MAPKBP1: variants seen among roughly 807,000 people sequenced by gnomAD.
MAPKBP1 encodes mitogen-activated protein kinase-binding protein 1.
A neutral mutation model predicts 170.5 loss-of-function variants in MAPKBP1; 71 were observed. The observed-to-expected ratio is 0.42, with a 90% CI of 0.34 to 0.51. The LOEUF (loss-of-function observed/expected upper bound fraction) is 0.51, where lower values mean the gene tolerates loss of function less well. Among genes scored for constraint, MAPKBP1 ranks in the 20% least tolerant of loss-of-function variants. MAPKBP1 has a pLI of 0.06. For synonymous variants in MAPKBP1, 719 were observed against 757.9 expected (o/e 0.95, Z 0.84); for missense variants, 1,598 against 1,933.0 (o/e 0.83, Z 3.25).
At chr15:41,813,489 G>A (rs2064839101) in intron 8 of MAPKBP1, 132 bp from the exon 9 acceptor site, 4 of 1,415,700 alleles carry the variant, frequency 2.8e-6, no homozygotes, top group Non-Finnish European at 3.9e-6. Context: ...TCAGAACAGG[G>A]CAGCTGGGCG....
rs1256899134 is a variant in MAPKBP1, at chr15:41,823,125, C to G, written c.3501C>G (p.Leu1167=). 2 of 1,613,768 alleles carry G rather than the reference C, an allele frequency of 1.2e-6. No homozygotes were observed. The highest frequency in any genetic ancestry group is 2.2e-5 in the South Asian group (2 of 91,084). ...CTGTGCTGTTGCCACGATGCCGTCT[C>G]AACCCTGACAGCAGCTGGGCTCCCA... ...AASVLLPRCR[L]NPDSSWAPKR... The change falls in exon 28 of 31, where the codon CTC becomes CTG. Residue 1167 remains leucine, a synonymous_variant. Transcript: ENST00000457542.
chr15:41,778,411 G>T (rs1021095393), intron 2 of MAPKBP1, among the ~76,000 whole-genome samples: 4 of 152,178 alleles, frequency 2.6e-5, no homozygotes, highest in African/African-American at 4.8e-5. Context: ...TTAATTCAGG[G>T]GAGACCTAGT....
At chr15:41,796,412 C>A (rs2064489726) in intron 2 of MAPKBP1, among the ~76,000 whole-genome samples, 1 of 152,132 alleles carries the variant, frequency 6.6e-6, no homozygotes, top group African/African-American at 2.4e-5. Context: ...TGAAGCCTTG[C>A]AAAATAAGCA....
chr15:41,821,960 G>A lies in MAPKBP1; in HGVS notation c.2886-5G>A, dbSNP rs766556937. On this transcript the variant is annotated splice_polypyrimidine_tract_variant and splice_region_variant and intron_variant, in intron 24 of 30. Transcript: ENST00000457542. ...CTTTTCTTCTCCCTGCTGGAATCCT[G>A]ACAGTGAGTTCCAAGTGCAGGCTCC... The A allele has an allele frequency of 1.9e-6, 3 of 1,610,734 alleles. No homozygotes were observed. The highest frequency in any genetic ancestry group is 2.5e-6 in the Non-Finnish European group (3 of 1,178,616).
chr15:41,809,243 C>G (rs1412622612), intron 3 of MAPKBP1, among the ~76,000 whole-genome samples: 1 of 149,724 alleles, frequency 6.7e-6, no homozygotes, highest in Non-Finnish European at 1.5e-5. Context: ...GAAACAGGAA[C>G]AAGGAAAGAG....
At chr15:41,795,163 C>CAA (rs57214059) in intron 2 of MAPKBP1, among the ~76,000 whole-genome samples, 12 of 113,188 alleles carry the variant, frequency 1.1e-4, no homozygotes, top group South Asian at 2.9e-4. Context: ...AACCCTGTCT[C>CAA]AAAAAAAAAA....
chr15:41,796,601 CTT>C (rs202207535), intron 2 of MAPKBP1, among the ~76,000 whole-genome samples: 2 of 151,706 alleles, frequency 1.3e-5, no homozygotes, highest in African/African-American at 4.9e-5. Context: ...AAGGAAACTG[CTT>C]TTCCCCCCCC....
At chr15:41,804,719 A>G (rs1209333) in intron 3 of MAPKBP1, among the ~76,000 whole-genome samples, 22,325 of 152,286 alleles carry the variant, frequency 0.15, 2,578 homozygotes, top group East Asian at 0.68. Context: ...CAGATGGTGT[A>G]CAGGCTTTCC....
chr15:41,815,805 G>A lies in MAPKBP1; in HGVS notation c.1493+6G>A. 6.2e-7 allele frequency: 1 copy of A among 1,610,452 alleles called. No individual in the cohort carries two copies. Among genetic ancestry groups the A allele is most frequent in the Non-Finnish European group, 8.5e-7 (1 of 1,176,936 alleles). On this transcript the variant is annotated splice_donor_region_variant and intron_variant, in intron 12 of 30. Coordinates refer to ENST00000457542, the MANE Select transcript of MAPKBP1 (RefSeq NM_014994.3). ...GACCGTATGGGCACACTTAGGTAAT[G>A]CCAGGCCCTGGGTGGGTACTGACTG...
In MAPKBP1 at chr15:41,824,510, G is replaced by A. The variant is rs759577491; in HGVS notation, c.4240G>A (p.Glu1414Lys). 2 of 1,601,896 alleles carry A rather than the reference G, an allele frequency of 1.2e-6. No individual in the cohort carries two copies. The highest frequency in any genetic ancestry group is 1.7e-6 in the Non-Finnish European group (2 of 1,174,584). The change falls in exon 30 of 31, where the codon GAG (glutamate) becomes AAG (lysine). Residue 1414 changes from glutamate (E) to lysine (K), a missense_variant. This residue lies in a region of MAPKBP1 where 942 missense variants were observed against 953.2 expected (regional missense o/e 0.99). Transcript: ENST00000457542. ...GCCAGCGGTGAGCCTGGAGCAGTGT[G>A]AGCAGCTGGTGGCAGAGCTCCGCGG... is the stretch of plus-strand genomic sequence containing the variant. ...SEPAVSLEQC[E>K]QLVAELRGSV...
chr15:41,824,069 C>G lies in MAPKBP1; in HGVS notation c.4213+8C>G, dbSNP rs1314585320. On this transcript the variant is annotated splice_region_variant and intron_variant, in intron 29 of 30. Transcript: ENST00000457542. ...CCCTGAGCCAGGACTCAGGTGTGCA[C>G]AGCTCCCCAGCTCTCATCTCCTGCC... The G allele has an allele frequency of 6.3e-7, 1 of 1,583,098 alleles. No homozygotes were observed. The highest frequency in any genetic ancestry group is 8.6e-7 in the Non-Finnish European group (1 of 1,167,870).
At chr15:41,809,060 C>T (rs1265581139) in intron 3 of MAPKBP1, among the ~76,000 whole-genome samples, 5 of 113,906 alleles carry the variant, frequency 4.4e-5, no homozygotes, top group African/African-American at 1.4e-4. Context: ...GGTGACAGAG[C>T]GAGACCCTGC....
Position 41,779,233 on chromosome 15 carries a change from C to T in MAPKBP1, c.114+3844C>T, listed in dbSNP as rs548824313. On this transcript the variant is annotated intron_variant, in intron 2 of 30. Coordinates refer to ENST00000457542, the MANE Select transcript of MAPKBP1 (RefSeq NM_014994.3). ...GGAAACATACTCATTTTTTTCGAGA[C>T]GGAGTCTTGCTCTGTTGCCCAGGCT... Among the ~76,000 whole-genome samples, 78 of 152,216 alleles carry T rather than the reference C, an allele frequency of 5.1e-4. No individual in the cohort carries two copies. The South Asian group carries it at 9.5e-3, about 19-fold the overall frequency.
intron 2 of MAPKBP1, among the ~76,000 whole-genome samples, chr15:41,790,178 G>C (rs1037448964): frequency 3.3e-5 from 5 of 152,152 alleles, no homozygotes; most frequent in Non-Finnish European, 1.5e-5. Flanking sequence ...CAGACCTTTT[G>C]TACCCCCGGT....
At chr15:41,822,481 AC>A in intron 26 of MAPKBP1, 59 bp downstream of exon 26, 1 of 1,599,864 alleles carries the variant, frequency 6.3e-7, no homozygotes, top group South Asian at 1.1e-5. Context: ...CTCCTTGCCT[AC>A]CTGAGAGGAG....
At position 41,827,730 on chromosome 15, in the gene MAPKBP1, T is replaced by G; in HGVS notation, c.*2294T>G. Reference sequence around the variant, plus strand: ...TTTTGAAAGCCCCTTATTTATAACTTTTATACTTTGTGCAGGTCGCGGCGC... The same window carrying G: ...TTTTGAAAGCCCCTTATTTATAACTGTTATACTTTGTGCAGGTCGCGGCGC... On this transcript the variant is annotated 3_prime_UTR_variant, in exon 31 of 31. Transcript: ENST00000457542. The G allele has an allele frequency of 1.8e-5, 3 of 170,812 alleles. No individual in the cohort carries two copies. Among genetic ancestry groups the G allele is most frequent in the Non-Finnish European group, 1.2e-5 (1 of 80,342 alleles). 10.6% of individuals were successfully genotyped at this position (170,812 alleles called of 1,614,324 possible). A position where few individuals can be genotyped will look rare whatever the true frequency, so the allele number is the denominator to read the frequency against.
chr15:41,796,505 G>A (rs1018717512), intron 2 of MAPKBP1, among the ~76,000 whole-genome samples: 4 of 152,156 alleles, frequency 2.6e-5, no homozygotes, highest in Non-Finnish European at 5.9e-5. Flanking sequence ...CTGCAAACAG[G>A]AAGCTGGTTT....
In MAPKBP1 at chr15:41,775,174, A is replaced by C. The variant is rs2064076138; in HGVS notation, c.-102A>C. The C allele has an allele frequency of 1.2e-6, 1 of 843,226 alleles. No homozygotes were observed. The allele number at this position is 843,226 out of a possible 1,614,324, so 52.2% of individuals were successfully genotyped here. On this transcript the variant is annotated 5_prime_UTR_variant, in exon 2 of 31. Coordinates refer to ENST00000457542, the MANE Select transcript of MAPKBP1 (RefSeq NM_014994.3). ...TGGCTTCTGCCATCTCAGGTCAGTG[A>C]GAGGGCATACTGGGAAGCCCTCTGG...
In MAPKBP1 at chr15:41,824,578, T is replaced by C; in HGVS notation, c.4299+9T>C. On this transcript the variant is annotated intron_variant, in intron 30 of 30. Coordinates refer to ENST00000457542, the MANE Select transcript of MAPKBP1 (RefSeq NM_014994.3). ...TGCGGCTCTACCACTCGGTGGGTGTTAGGTGCCCCCCGGCAGGAAGGCGGG... is the reference window on the plus strand; with the variant it reads ...TGCGGCTCTACCACTCGGTGGGTGTCAGGTGCCCCCCGGCAGGAAGGCGGG... 6.3e-7 allele frequency: 1 copy of C among 1,586,040 alleles called. No individual in the cohort carries two copies. The highest frequency in any genetic ancestry group is 2.3e-5 in the East Asian group (1 of 43,932).
Sources: allele counts gnomAD v4.1 joint callset (sites outside exome capture counted in the v4.1 genomes callset), GRCh38; gene constraint gnomAD v4.1.1; regional missense constraint gnomAD v4.1.1; transcripts MANE v1.5; gene names NCBI Gene and HGNC (gene_info 2026-07-23, HGNC 2026-07-21).